The following POT1 variants were observed in gnomAD, a reference collection of about 807,000 sequenced individuals.
The protein encoded by POT1 is protection of telomeres 1, also known as protection of telomeres protein 1.
In POT1, 47 loss-of-function variants were observed where a neutral mutation model predicts 78.5. The ratio of observed to expected loss-of-function variants is 0.60; its 90% CI spans 0.47 to 0.76. POT1 has a LOEUF of 0.76. POT1 is among the 30% of genes least tolerant of loss of function. The pLI is 0.00. For synonymous variants in POT1, 259 were observed against 260.7 expected (o/e 0.99, Z 0.06); for missense variants, 646 against 749.9 (o/e 0.86, Z 1.62).
At chr7:124,860,915 T>C (rs1795578861) in intron 8 of POT1, among the ~76,000 whole-genome samples, 1 of 152,208 alleles carries the variant, frequency 6.6e-6, no homozygotes, top group South Asian at 2.1e-4. Context: ...GCTTCGTCCA[T>C]GTCCTTGCAA....
intron 11 of POT1, among the ~76,000 whole-genome samples, chr7:124,850,037 A>G (rs970200063): frequency 6.6e-6 from 1 of 152,048 alleles, no homozygotes; most frequent in African/African-American, 2.4e-5. Flanking sequence ...CACATATTAC[A>G]GTGTACTTTA....
chr7:124,914,507 A>G (rs780077137), intron 3 of POT1, among the ~76,000 whole-genome samples: 1 of 152,190 alleles, frequency 6.6e-6, no homozygotes, highest in Non-Finnish European at 1.5e-5. Context: ...AGTACCAAAA[A>G]AAGAAAAAAG....
At chr7:124,856,797 T>C (rs1795456944) in intron 9 of POT1, among the ~76,000 whole-genome samples, 1 of 152,182 alleles carries the variant, frequency 6.6e-6, no homozygotes, top group Non-Finnish European at 1.5e-5. Context: ...AAGAACTCTA[T>C]GAAAAAACCT....
chr7:124,862,612 A>G (rs544945443), intron 8 of POT1, among the ~76,000 whole-genome samples: 1 of 152,304 alleles, frequency 6.6e-6, no homozygotes, highest in South Asian at 2.1e-4. Context: ...GGCAAGGTGT[A>G]AATCATAATA....
chr7:124,867,882 G>A (rs559612826), intron 7 of POT1, among the ~76,000 whole-genome samples: 48 of 151,962 alleles, frequency 3.2e-4, no homozygotes, highest in Non-Finnish European at 4.6e-4. Flanking sequence ...TCCTGACCTT[G>A]CAATCTTCCC....
chr7:124,897,829 GT>G (rs1418236212), intron 4 of POT1, among the ~76,000 whole-genome samples: 1 of 151,804 alleles, frequency 6.6e-6, no homozygotes, highest in Non-Finnish European at 1.5e-5. Flanking sequence ...CAGTTTTCAA[GT>G]GTGTGTGTGG....
At chr7:124,924,697 C>A (rs149871616) in intron 2 of POT1, among the ~76,000 whole-genome samples, 12 of 151,954 alleles carry the variant, frequency 7.9e-5, no homozygotes, top group Non-Finnish European at 2.9e-5. Context: ...CTGATGACAT[C>A]GATGCAAAAT....
chr7:124,877,035 G>A (rs1174858201), intron 6 of POT1, among the ~76,000 whole-genome samples: 1 of 152,134 alleles, frequency 6.6e-6, no homozygotes, highest in Non-Finnish European at 1.5e-5. Flanking sequence ...CCAATTAAAA[G>A]GGCCCATTGA....
chr7:124,906,623 G>A (rs560343371), intron 3 of POT1, among the ~76,000 whole-genome samples: 73 of 152,024 alleles, frequency 4.8e-4, no homozygotes, highest in Middle Eastern at 3.4e-3. Context: ...ATGTACCCTA[G>A]AACTTAAAAG....
At chr7:124,900,915 C>A (rs7782525) in intron 3 of POT1, 4 of 290,544 alleles carry the variant, frequency 1.4e-5, no homozygotes, top group South Asian at 8.7e-5. Flanking sequence ...ACAGCAGTCC[C>A]AGATTGAACT....
At chr7:124,838,069 A>G (rs190125801) in intron 14 of POT1, among the ~76,000 whole-genome samples, 1 of 152,194 alleles carries the variant, frequency 6.6e-6, no homozygotes, top group Admixed American at 6.5e-5. Flanking sequence ...GATAAAGAAC[A>G]TCGATAAAAT....
intron 9 of POT1, among the ~76,000 whole-genome samples, chr7:124,854,688 T>G (rs1182745177): frequency 6.6e-6 from 1 of 151,226 alleles, no homozygotes; most frequent in Admixed American, 6.6e-5. Flanking sequence ...TACATCTATA[T>G]CATAACCAGG....
chr7:124,892,196 A>G, intron 6 of POT1, 70 bp downstream of exon 6: 1 of 924,846 alleles, frequency 1.1e-6, no homozygotes, highest in Non-Finnish European at 1.6e-6. Flanking sequence ...CTTAGGGTAC[A>G]GATGGAACCG....
intron 2 of POT1, among the ~76,000 whole-genome samples, chr7:124,917,082 A>G (rs1392927863): frequency 2.0e-5 from 3 of 152,184 alleles, no homozygotes; most frequent in African/African-American, 4.8e-5. Flanking sequence ...GAACGGGTAC[A>G]TAGGTGTAAG....
At chr7:124,890,517 A>C (rs1796344969) in intron 6 of POT1, among the ~76,000 whole-genome samples, 1 of 151,936 alleles carries the variant, frequency 6.6e-6, no homozygotes, top group Non-Finnish European at 1.5e-5. Context: ...CTCATGTTAC[A>C]AAGAAATCTT....
rs532786417 is a variant in POT1, at chr7:124,928,815, C to A, written c.-227G>T. On this transcript the variant is annotated splice_region_variant and 5_prime_UTR_variant, in exon 2 of 19. In the 5' UTR this introduces an upstream ATG that the reference lacks. Transcript: ENST00000357628. Reference sequence around the variant, plus strand: ...CATTCTGAGTTATAGAAATTCTTACCTGAATATATTTCTTGCTATAATTGT... The same window carrying A: ...CATTCTGAGTTATAGAAATTCTTACATGAATATATTTCTTGCTATAATTGT... 1 of 152,658 alleles carries A rather than the reference C, an allele frequency of 6.6e-6. No homozygotes were observed. The highest frequency in any genetic ancestry group is 2.1e-4 in the South Asian group (1 of 4,826). The allele number at this position is 152,658 out of a possible 1,614,324, so 9.5% of individuals were successfully genotyped here.
intron 3 of POT1, among the ~76,000 whole-genome samples, chr7:124,907,170 G>T (rs1796784898): frequency 6.6e-6 from 1 of 152,036 alleles, no homozygotes; most frequent in Non-Finnish European, 1.5e-5. Flanking sequence ...AAACACATTT[G>T]GAATCACTGA....
chr7:124,864,087 G>A (rs922724291), intron 7 of POT1, among the ~76,000 whole-genome samples: 12 of 152,146 alleles, frequency 7.9e-5, no homozygotes, highest in Admixed American at 6.6e-4. Flanking sequence ...TAATCAGAGT[G>A]ACTGAGAGCA....
chr7:124,918,378 C>CA (rs1423990030), intron 2 of POT1, among the ~76,000 whole-genome samples: 3 of 152,136 alleles, frequency 2.0e-5, no homozygotes, highest in Non-Finnish European at 4.4e-5. Flanking sequence ...TGTTTGTTTT[C>CA]AGGGGTAGCA....
Sources: allele counts gnomAD v4.1 joint callset (sites outside exome capture counted in the v4.1 genomes callset), GRCh38; gene constraint gnomAD v4.1.1; transcripts MANE v1.5; gene names NCBI Gene and HGNC (gene_info 2026-07-23, HGNC 2026-07-21).